NCAPD2: variants seen among roughly 807,000 people sequenced by gnomAD.
NCAPD2 encodes the protein condensin complex subunit 1.
Under a neutral mutation model 164.5 loss-of-function variants are expected in NCAPD2, and 100 were observed. The observed-to-expected ratio is 0.61, with a 90% CI of 0.52 to 0.72. The LOEUF is 0.72. Among genes scored for constraint, NCAPD2 ranks in the 30% least tolerant of loss-of-function variants. The pLI is 0.00. For missense variants in NCAPD2, 1,560 were observed against 1,749.2 expected, an observed-to-expected ratio of 0.89 and a Z score of 1.93; for synonymous variants, 585 against 642.6, an observed-to-expected ratio of 0.91 and a Z score of 1.36.
At chr12:6,529,196 CTGA>C (rs772930695) in intron 27 of NCAPD2, 157 bp downstream of exon 27, 4 of 660,038 alleles carry the variant, frequency 6.1e-6, no homozygotes, top group East Asian at 2.7e-5. Flanking sequence ...TCTTTTGAGG[CTGA>C]TGATACTTAA....
chr12:6,529,190 T>C, intron 27 of NCAPD2, 151 bp downstream of exon 27: 1 of 676,890 alleles, frequency 1.5e-6, no homozygotes, highest in Middle Eastern at 4.1e-4. Context: ...TCCTCTTCTT[T>C]TGAGGCTGAT....
At chr12:6,530,557 C>A in intron 29 of NCAPD2, 134 bp from the exon 30 acceptor site, 1 of 1,087,930 alleles carries the variant, frequency 9.2e-7, no homozygotes, top group Non-Finnish European at 1.3e-6. Context: ...TTGGAATGAT[C>A]CGGTATGGAG....
At chr12:6,522,485 C>G (rs1027668329) in intron 15 of NCAPD2, among the ~76,000 whole-genome samples, 3 of 151,972 alleles carry the variant, frequency 2.0e-5, no homozygotes, top group Non-Finnish European at 4.4e-5. Context: ...ACTCGGAAGG[C>G]TGGGCAGGAG....
intron 2 of NCAPD2, among the ~76,000 whole-genome samples, chr12:6,506,384 C>T (rs1048609350): frequency 3.9e-5 from 6 of 152,046 alleles, no homozygotes; most frequent in East Asian, 1.9e-4. Context: ...GTCAGGAGAT[C>T]GAGACCATCC....
rs71579325 is a variant in NCAPD2, at chr12:6,528,976, T to C, written c.3509T>C (p.Ile1170Thr). The change falls in exon 27 of 32, where the codon ATC (isoleucine) becomes ACC (threonine). Residue 1170 changes from isoleucine to threonine, a missense_variant. Transcript: ENST00000315579. The surrounding 1 kb of genome is among the most constrained non-coding windows in gnomAD (Gnocchi z 5.1). ...GCAATCTATAATCTCCTTCCAGATATCATCAGCCGCCTGTCAGACCCCGAG... is the reference window on the plus strand; with the variant it reads ...GCAATCTATAATCTCCTTCCAGATACCATCAGCCGCCTGTCAGACCCCGAG... Reference protein sequence around the residue: ...GNAIYNLLPDIISRLSDPELG... With the variant: ...GNAIYNLLPDTISRLSDPELG... 1.1e-3 allele frequency: 1,793 copies of C among 1,613,894 alleles called. 3 individuals are homozygous for C. The highest frequency in any genetic ancestry group is 2.1e-3 in the Admixed American group (126 of 60,010).
Position 6,522,905 on chromosome 12 carries a change from A to T in NCAPD2, c.2032A>T (p.Met678Leu), listed in dbSNP as rs779986183. The T allele has an allele frequency of 2.5e-6, 4 of 1,614,142 alleles. No individual in the cohort carries two copies. The South Asian group carries it at 4.4e-5, about 18-fold the overall frequency. Residue 678 changes from methionine (M) to leucine (L), a missense_variant, in exon 16 of 32, where the codon ATG becomes TTG. Met to Leu is a conservative substitution (Grantham distance 15). Transcript: ENST00000315579. ...VPQALFGVRR[M>L]LPLIWSKEPG... ...CCAGGCCCTGTTTGGGGTGCGCCGTATGCTGCCTCTCATCTGGTCTAAGGA... is the reference window on the plus strand; with the variant it reads ...CCAGGCCCTGTTTGGGGTGCGCCGTTTGCTGCCTCTCATCTGGTCTAAGGA...
intron 6 of NCAPD2, among the ~76,000 whole-genome samples, chr12:6,513,464 G>A (rs1393077349): frequency 6.6e-6 from 1 of 152,092 alleles, no homozygotes; most frequent in East Asian, 1.9e-4. Flanking sequence ...GCAGTGAGCC[G>A]TGATTGCACC....
rs781345237 is a variant in NCAPD2, at chr12:6,526,060, T to C, written c.2349-8T>C. The C allele has an allele frequency of 2.5e-6, 4 of 1,613,220 alleles. No individual in the cohort carries two copies. The Admixed American group carries it at 6.7e-5, about 27-fold the overall frequency. Reference sequence around the variant, plus strand: ...ACTGCCTTTAACTCTGTGGCTTCCTTCCCCTAGAGGAAAGCCAGAAATTGT... The same window carrying C: ...ACTGCCTTTAACTCTGTGGCTTCCTCCCCCTAGAGGAAAGCCAGAAATTGT... On this transcript the variant is annotated splice_region_variant and splice_polypyrimidine_tract_variant and intron_variant, in intron 18 of 31. Coordinates refer to ENST00000315579, the MANE Select transcript of NCAPD2 (RefSeq NM_014865.4).
chr12:6,499,498 C>G (rs1373820802), intron 2 of NCAPD2, among the ~76,000 whole-genome samples: 1 of 152,160 alleles, frequency 6.6e-6, no homozygotes, highest in African/African-American at 2.4e-5. Flanking sequence ...AGCAATTCTC[C>G]TGCTTCAGCC....
chr12:6,512,292 AAGAT>A (rs1373983395), intron 6 of NCAPD2, among the ~76,000 whole-genome samples: 2,859 of 128,596 alleles, frequency 0.022, 48 homozygotes, highest in South Asian at 0.04. Flanking sequence ...AAAAAAAAAA[AAGAT>A]AGATAGATAG....
intron 28 of NCAPD2, 44 bp downstream of exon 28, chr12:6,529,637 T>C: frequency 6.2e-7 from 1 of 1,608,082 alleles, no homozygotes; most frequent in South Asian, 1.1e-5. Flanking sequence ...AGCGGGGCCC[T>C]GCAGGGGAGA....
At chr12:6,518,218 C>T (rs183880955) in intron 13 of NCAPD2, 3,145 of 271,568 alleles carry the variant, frequency 0.012, 26 homozygotes, top group Non-Finnish European at 0.015. Context: ...AGTCCTCCTT[C>T]AATTGAAGAA....
chr12:6,511,892 G>C (rs2137047628), intron 6 of NCAPD2, among the ~76,000 whole-genome samples: 1 of 152,182 alleles, frequency 6.6e-6, no homozygotes, highest in Middle Eastern at 3.4e-3. Flanking sequence ...GCTGAGGCAG[G>C]AGCATCACTT....
rs373223388 is a variant in NCAPD2, at chr12:6,529,575, A to T, written c.3635A>T (p.Gln1212Leu). Residue 1212 changes from glutamine to leucine, a missense_variant, in exon 28 of 32, where the codon CAG becomes CTG. Gln to Leu is a moderately radical substitution (Grantham distance 113). Coordinates refer to ENST00000315579, the MANE Select transcript of NCAPD2 (RefSeq NM_014865.4). Reference protein sequence around the residue: ...QTESLVEKLCQRFRTSRTERQ... With the variant: ...QTESLVEKLCLRFRTSRTERQ... ...GAGAGCCTGGTGGAAAAGCTGTGTC[A>T]GCGGTTCCGCACATCCCGGTATGCT... 5.6e-6 allele frequency: 9 copies of T among 1,614,078 alleles called. No homozygotes were observed. The Admixed American group carries it at 8.3e-5, about 15-fold the overall frequency.
In NCAPD2 at chr12:6,511,124, G is replaced by A. The variant is rs760640102; in HGVS notation, c.459G>A (p.Arg153=). The A allele has an allele frequency of 2.9e-5, 47 of 1,613,866 alleles. No individual in the cohort carries two copies. Among genetic ancestry groups the A allele is most frequent in the Non-Finnish European group, 3.8e-5 (45 of 1,180,010 alleles). Residue 153 remains arginine, a synonymous_variant, in exon 6 of 32, where the codon CGG becomes CGA. Transcript: ENST00000315579. ...ATCCTTTTTAGGGTAAGAAAGCTCGGACCAAGGCAGCCCATGGCTTTGACT... is the reference window on the plus strand; with the variant it reads ...ATCCTTTTTAGGGTAAGAAAGCTCGAACCAAGGCAGCCCATGGCTTTGACT... ...LDLGGKGKKA[R]TKAAHGFDWE...
In NCAPD2 at chr12:6,527,998, TCTTG is replaced by T. The variant is rs1946332186; in HGVS notation, c.3054_3057del (p.Leu1019LysfsTer27). 1.2e-6 allele frequency: 2 copies of T among 1,614,252 alleles called. No individual in the cohort carries two copies. Among genetic ancestry groups the T allele is most frequent in the Non-Finnish European group, 8.5e-7 (1 of 1,180,044 alleles). ...CAGACACTGGCTGCCTTTGTTCCAC[TCTTG>T]CTTAAAGTCTGTAACAACCCAGGCC... is the stretch of plus-strand genomic sequence containing the variant. On this transcript the variant is annotated frameshift_variant, in exon 24 of 32. Transcript: ENST00000315579. LOFTEE classifies it high-confidence loss of function.
chr12:6,518,522 T>TTTTTTTTTG, intron 13 of NCAPD2, among the ~76,000 whole-genome samples: 1 of 119,586 alleles, frequency 8.4e-6, no homozygotes, highest in Non-Finnish European at 1.7e-5. Context: ...TTTTTTTTTT[T>TTTTTTTTTG]TTTTTTTTTT....
chr12:6,526,489 G>T lies in NCAPD2; in HGVS notation c.2608G>T (p.Val870Leu). 1 of 1,614,166 alleles carries T rather than the reference G, an allele frequency of 6.2e-7. No homozygotes were observed. Among genetic ancestry groups the T allele is most frequent in the Non-Finnish European group, 8.5e-7 (1 of 1,180,032 alleles). ...CCCACTCTGGATCCCATTCAAAGAG[G>T]TGGCAGTGACCCTCATTTACCAACT... Reference protein sequence around the residue: ...PDPLWIPFKEVAVTLIYQLAE... With the variant: ...PDPLWIPFKELAVTLIYQLAE... The change falls in exon 21 of 32, where the codon GTG becomes TTG. Residue 870 changes from valine (V) to leucine (L), a missense_variant. Physicochemically the swap from Val to Leu is conservative, Grantham distance 32. Coordinates refer to ENST00000315579, the MANE Select transcript of NCAPD2 (RefSeq NM_014865.4).
rs570757119 is a variant in NCAPD2 at position 6,522,142 on chromosome 12, C to T, written c.1954+105C>T. On this transcript the variant is annotated intron_variant, in intron 15 of 31. Coordinates refer to ENST00000315579, the MANE Select transcript of NCAPD2 (RefSeq NM_014865.4). ...AGAGATGGGGCCTTCCTTTGTTGCT[C>T]AGGCTGGTCTCCAACTCCTGGGCTC... The T allele has an allele frequency of 1.2e-5, 16 of 1,293,370 alleles. No individual in the cohort carries two copies. The East Asian group carries it at 3.5e-4, about 28-fold the overall frequency. The allele number at this position is 1,293,370 out of a possible 1,614,324, so 80.1% of individuals were successfully genotyped here. A position where few individuals can be genotyped will look rare whatever the true frequency, so the allele number is the denominator to read the frequency against.
Sources: gnomAD v4.1 joint callset for allele counts (sites outside exome capture counted in the v4.1 genomes callset) on GRCh38, gnomAD v4.1.1 for gene constraint, Gnocchi (gnomAD v3.1) non-coding constraint, MANE v1.5 for transcripts, NCBI Gene and HGNC (gene_info 2026-07-23, HGNC 2026-07-21) for gene names.